DLG2: variants seen among roughly 807,000 people sequenced by gnomAD.
DLG2 encodes the protein disks large homolog 2.
DLG2 carries 45 observed loss-of-function variants against 132.5 expected under a neutral mutation model. That is an observed-to-expected ratio of 0.34 (90% CI 0.27 to 0.44). DLG2 has a LOEUF of 0.44. DLG2 is among the 20% of genes least tolerant of loss of function. The pLI is 1.00. For synonymous variants in DLG2, 424 were observed against 419.6 expected (o/e 1.01, Z -0.13); for missense variants, 1,045 against 1,196.9 (o/e 0.87, Z 1.87).
At chr11:84,941,554 C>G (rs2049428262) in intron 6 of DLG2, among the ~76,000 whole-genome samples, 1 of 152,062 alleles carries the variant, frequency 6.6e-6, no homozygotes, top group African/African-American at 2.4e-5. Flanking sequence ...ATTGAAGCAT[C>G]CTTGTATCCC....
At chr11:83,936,154 G>A (rs187324252) in intron 14 of DLG2, among the ~76,000 whole-genome samples, 3 of 152,302 alleles carry the variant, frequency 2.0e-5, no homozygotes, top group African/African-American at 4.8e-5. Context: ...CAGTTCACAC[G>A]ATAGCACTTT....
At chr11:84,652,626 T>C (rs2099683429) in intron 6 of DLG2, among the ~76,000 whole-genome samples, 1 of 152,202 alleles carries the variant, frequency 6.6e-6, no homozygotes, top group South Asian at 2.1e-4. Flanking sequence ...GATTTGGACA[T>C]TAGCATATAA....
intron 3 of DLG2, among the ~76,000 whole-genome samples, chr11:85,482,161 C>T (rs1565559524): frequency 6.6e-6 from 1 of 152,138 alleles, no homozygotes; most frequent in Non-Finnish European, 1.5e-5. Context: ...TTCAGGCCCA[C>T]TTGACCATCA....
chr11:83,652,035 G>GA, intron 18 of DLG2: 1 of 295,310 alleles, frequency 3.4e-6, no homozygotes, highest in South Asian at 3.1e-5. Context: ...ATTCACAGCA[G>GA]AAAAGAGAAA....
At chr11:84,814,468 C>T (rs1356340490) in intron 6 of DLG2, among the ~76,000 whole-genome samples, 1 of 152,086 alleles carries the variant, frequency 6.6e-6, no homozygotes, top group Non-Finnish European at 1.5e-5. Context: ...GCCCATAGGG[C>T]ATGGCTCCCC....
intron 17 of DLG2, among the ~76,000 whole-genome samples, chr11:83,792,735 C>T (rs1315779103): frequency 6.6e-6 from 1 of 151,960 alleles, no homozygotes; most frequent in African/African-American, 2.4e-5. Context: ...ATTTGTTTTA[C>T]CAGTGCATGG....
In DLG2 at chr11:83,458,205, T is replaced by C. The variant is rs1400607429; in HGVS notation, c.*1613A>G. ...CCCAGAGTAGAGTGGTTATTATCAC[T>C]GAAAAGTCTCTCCCCAAACACCATG... On this transcript the variant is annotated 3_prime_UTR_variant, in exon 28 of 28. Coordinates refer to ENST00000376104, the MANE Select transcript of DLG2 (RefSeq NM_001142699.3). 6.6e-6 allele frequency: 1 copy of C among 152,596 alleles called. No individual in the cohort carries two copies. Among genetic ancestry groups the C allele is most frequent in the Non-Finnish European group, 1.5e-5 (1 of 68,046 alleles). The allele number at this position is 152,596 out of a possible 1,614,324, so 9.5% of individuals were successfully genotyped here.
At chr11:85,541,399 A>T (rs967828899) in intron 3 of DLG2, among the ~76,000 whole-genome samples, 1 of 151,840 alleles carries the variant, frequency 6.6e-6, no homozygotes, top group Non-Finnish European at 1.5e-5. Context: ...CCAATTTACT[A>T]ACTTTACAGG....
rs908008620 is a variant in DLG2 at position 84,461,109 on chromosome 11, T to A, written c.519+73461A>T. Among the ~76,000 whole-genome samples, 5 of 150,862 alleles carry A rather than the reference T, an allele frequency of 3.3e-5. No individual in the cohort carries two copies. The South Asian group carries it at 1.0e-3, about 31-fold the overall frequency. ...TGCATTAGGAAGACTATGAAAAAAA[T>A]AAGAAAATTATAACAATATGAATTT... On this transcript the variant is annotated intron_variant, in intron 7 of 27. Coordinates refer to ENST00000376104, the MANE Select transcript of DLG2 (RefSeq NM_001142699.3).
At chr11:85,447,059 A>C (rs1259242610) in intron 3 of DLG2, among the ~76,000 whole-genome samples, 2 of 152,148 alleles carry the variant, frequency 1.3e-5, no homozygotes, top group African/African-American at 2.4e-5. Flanking sequence ...AAAAATCATA[A>C]ATAGAACCAT....
At chr11:83,907,382 A>G (rs2075206690) in intron 15 of DLG2, among the ~76,000 whole-genome samples, 1 of 152,180 alleles carries the variant, frequency 6.6e-6, no homozygotes, top group African/African-American at 2.4e-5. Context: ...CAAAAATAAT[A>G]GAGAATAGAA....
rs180861325 is a variant in DLG2 at position 83,472,196 on chromosome 11, T to A, written c.2345-469A>T. Among the ~76,000 whole-genome samples, 296 of 152,274 alleles carry A rather than the reference T, an allele frequency of 1.9e-3. 2 individuals are homozygous for A. Among genetic ancestry groups the A allele is most frequent in the Non-Finnish European group, 3.3e-3 (226 of 68,008 alleles). On this transcript the variant is annotated intron_variant, in intron 23 of 27. Coordinates refer to ENST00000376104, the MANE Select transcript of DLG2 (RefSeq NM_001142699.3). ...TCTATACTTTGCTACAGTTTCTAGA[T>A]TTCCTTGTATCTGGGATTAGAAGGA...
chr11:83,641,105 C>T (rs1475469790), intron 18 of DLG2, among the ~76,000 whole-genome samples: 2 of 152,122 alleles, frequency 1.3e-5, no homozygotes, highest in African/African-American at 4.8e-5. Context: ...TTAAAAAGCA[C>T]CATCAATGAA....
chr11:84,165,802 G>A (rs947487361), intron 8 of DLG2, among the ~76,000 whole-genome samples: 15 of 152,122 alleles, frequency 9.9e-5, no homozygotes, highest in African/African-American at 3.1e-4. Flanking sequence ...AGAGGCTGAG[G>A]CAGAAGAATT....
intron 15 of DLG2, among the ~76,000 whole-genome samples, chr11:83,879,265 G>T (rs1400210799): frequency 1.3e-5 from 2 of 152,060 alleles, no homozygotes; most frequent in African/African-American, 4.8e-5. Context: ...TATTCTAATG[G>T]ACAGCACAAA....
At chr11:84,326,240 C>A (rs1246982864) in intron 7 of DLG2, among the ~76,000 whole-genome samples, 2 of 151,054 alleles carry the variant, frequency 1.3e-5, no homozygotes. Flanking sequence ...TTATTTTTTT[C>A]TCTAATTATT....
intron 6 of DLG2, among the ~76,000 whole-genome samples, chr11:85,006,650 A>G (rs1035899789): frequency 2.0e-5 from 3 of 151,404 alleles, no homozygotes; most frequent in South Asian, 2.1e-4. Context: ...CGGTCTATCT[A>G]TTATGTTGAT....
intron 3 of DLG2, among the ~76,000 whole-genome samples, chr11:85,321,351 G>A (rs2081055445): frequency 6.6e-6 from 1 of 151,984 alleles, no homozygotes; most frequent in Non-Finnish European, 1.5e-5. Flanking sequence ...ATTCCAAGGT[G>A]AATATTGAGT....
At chr11:84,734,104 T>C (rs567585168) in intron 6 of DLG2, among the ~76,000 whole-genome samples, 170 of 152,328 alleles carry the variant, frequency 1.1e-3, no homozygotes, top group African/African-American at 3.9e-3. Context: ...TGGCTTAGGA[T>C]TGATTTGGCA....
Sources: gnomAD v4.1 joint callset for allele counts (sites outside exome capture counted in the v4.1 genomes callset) on GRCh38, gnomAD v4.1.1 for gene constraint, MANE v1.5 for transcripts, NCBI Gene and HGNC (gene_info 2026-07-23, HGNC 2026-07-21) for gene names.